Variants in STYXL1 observed in about 807,000 individuals in gnomAD.
STYXL1 encodes the protein serine/threonine/tyrosine-interacting-like protein 1.
Under a neutral mutation model 36.4 loss-of-function variants are expected in STYXL1, and 32 were observed. The ratio of observed to expected loss-of-function variants is 0.88; its 90% confidence interval spans 0.66 to 1.18. STYXL1 has a LOEUF of 1.18. Among genes scored for constraint, STYXL1 ranks in the 50% most tolerant of loss-of-function variants. STYXL1 has a pLI of 0.00. For missense variants in STYXL1, 354 were observed against 394.1 expected (o/e 0.90, Z 0.86); for synonymous variants, 133 against 144.1 (o/e 0.92, Z 0.55).
chr7:76,015,941 T>C (rs1183165492), intron 4 of STYXL1, among the ~76,000 whole-genome samples: 1 of 152,164 alleles, frequency 6.6e-6, no homozygotes, highest in South Asian at 2.1e-4. Context: ...TGCTGGATGC[T>C]TCCTGTCCTC....
chr7:76,039,035 C>T (rs1796224800), intron 1 of STYXL1, among the ~76,000 whole-genome samples: 1 of 147,820 alleles, frequency 6.8e-6, no homozygotes, highest in Admixed American at 6.6e-5. Flanking sequence ...ACAACCTCCG[C>T]CTCCCAGGTT....
intron 3 of STYXL1, among the ~76,000 whole-genome samples, chr7:76,024,596 G>A (rs924557915): frequency 1.3e-5 from 2 of 151,912 alleles, no homozygotes; most frequent in Non-Finnish European, 2.9e-5. Flanking sequence ...CAGCCTAAGC[G>A]AGAGAGTGAG....
At chr7:76,009,525 C>T (rs1792284830) in intron 5 of STYXL1, among the ~76,000 whole-genome samples, 1 of 152,188 alleles carries the variant, frequency 6.6e-6, no homozygotes, top group African/African-American at 2.4e-5. Context: ...ATTTTCCTGC[C>T]TCAGCCTCCT....
At chr7:76,005,440 A>C in intron 5 of STYXL1, 36 bp from the exon 6 acceptor site, 1 of 1,562,962 alleles carries the variant, frequency 6.4e-7, no homozygotes, top group Non-Finnish European at 8.7e-7. Flanking sequence ...CTATGAGCAT[A>C]TTCCTCAGGG....
intron 2 of STYXL1, among the ~76,000 whole-genome samples, chr7:76,029,036 C>T (rs1795044892): frequency 6.6e-6 from 1 of 151,830 alleles, no homozygotes; most frequent in African/African-American, 2.4e-5. Context: ...AGGAGAATCA[C>T]TTAAATCTGG....
chr7:76,040,639 C>T (rs1796388743), intron 1 of STYXL1, among the ~76,000 whole-genome samples: 1 of 152,082 alleles, frequency 6.6e-6, no homozygotes, highest in Non-Finnish European at 1.5e-5. Flanking sequence ...GAGTTCAAGA[C>T]CAGCCTGACC....
chr7:76,031,472 T>C (rs1795331337), intron 1 of STYXL1, among the ~76,000 whole-genome samples: 1 of 151,888 alleles, frequency 6.6e-6, no homozygotes, highest in African/African-American at 2.4e-5. Flanking sequence ...CCCAACACTT[T>C]GGGAGGCCGA....
chr7:76,003,673 A>G, intron 7 of STYXL1, 85 bp downstream of exon 7: 1 of 1,246,652 alleles, frequency 8.0e-7, no homozygotes. Context: ...ATCACGGTCC[A>G]GAATAAGCCT....
intron 4 of STYXL1, among the ~76,000 whole-genome samples, chr7:76,019,782 C>A (rs984367301): frequency 2.0e-5 from 3 of 151,922 alleles, no homozygotes; most frequent in African/African-American, 7.3e-5. Context: ...AAGCTCACCC[C>A]ACAGGGCCTG....
chr7:76,040,830 AAAAG>A (rs1266449752), intron 1 of STYXL1, among the ~76,000 whole-genome samples: 10 of 151,404 alleles, frequency 6.6e-5, no homozygotes, highest in African/African-American at 2.2e-4. Context: ...AGCTAAAAAA[AAAAG>A]AAAAAAGAAA....
chr7:76,031,021 C>T (rs1297567629), intron 1 of STYXL1, among the ~76,000 whole-genome samples: 1 of 151,652 alleles, frequency 6.6e-6, no homozygotes, highest in African/African-American at 2.4e-5. Flanking sequence ...ATTAGTCAGG[C>T]ATGGTGGTGC....
At chr7:76,010,537 G>A (rs1554571928) in intron 5 of STYXL1, among the ~76,000 whole-genome samples, 2 of 152,114 alleles carry the variant, frequency 1.3e-5, no homozygotes, top group African/African-American at 4.8e-5. Context: ...CGTTCTCTGG[G>A]AGATCCTCAG....
chr7:76,017,719 G>A (rs1024978473), intron 4 of STYXL1, among the ~76,000 whole-genome samples: 5 of 140,544 alleles, frequency 3.6e-5, no homozygotes, highest in Non-Finnish European at 8.2e-5. Flanking sequence ...AACCCTGTCT[G>A]TACTGAAAAT....
intron 3 of STYXL1, among the ~76,000 whole-genome samples, chr7:76,027,680 T>C (rs963989406): frequency 1.3e-5 from 2 of 151,160 alleles, no homozygotes; most frequent in African/African-American, 4.9e-5. Flanking sequence ...AAACAACACA[T>C]AAAAACAGAA....
intron 7 of STYXL1, among the ~76,000 whole-genome samples, chr7:76,002,700 G>A (rs1791111226): frequency 6.6e-6 from 1 of 152,124 alleles, no homozygotes; most frequent in African/African-American, 2.4e-5. Flanking sequence ...GAGGTGGGTG[G>A]ATTGCTTGAG....
chr7:76,024,575 C>T (rs190464172), intron 3 of STYXL1, among the ~76,000 whole-genome samples: 1 of 152,128 alleles, frequency 6.6e-6, no homozygotes, highest in African/African-American at 2.4e-5. Context: ...TGTGATGGTG[C>T]CATTGCACTC....
chr7:75,996,571 T>C lies in STYXL1; in HGVS notation c.839A>G (p.Lys280Arg), dbSNP rs1402757553. Residue 280 changes from lysine (K) to arginine (R), a missense_variant, in exon 9 of 9, where the codon AAA becomes AGA. Physicochemically the swap from Lys to Arg is conservative, Grantham distance 26 (BLOSUM62 2). Transcript: ENST00000359697. ...TCCCCGATTTGGACACATGTTGTTT[T>C]TGCACTTCTTGACATAGGCCCAGGA... ...QRSWAYVKKCKNNMCPNRGLV... is the reference protein window; with the variant it reads ...QRSWAYVKKCRNNMCPNRGLV... 1.2e-6 allele frequency: 2 copies of C among 1,614,122 alleles called. No individual in the cohort carries two copies. The highest frequency in any genetic ancestry group is 2.7e-5 in the African/African-American group (2 of 74,938).
intron 1 of STYXL1, among the ~76,000 whole-genome samples, chr7:76,043,173 GCT>G (rs1796637604): frequency 6.6e-6 from 1 of 152,040 alleles, no homozygotes; most frequent in Admixed American, 6.6e-5. Flanking sequence ...ATGGAGTCAC[GCT>G]CTGTTGCCCA....
chr7:76,003,885 G>A, intron 6 of STYXL1, 30 bp from the exon 7 acceptor site: 2 of 1,607,720 alleles, frequency 1.2e-6, no homozygotes, highest in African/African-American at 1.3e-5. Context: ...AGGTCATCAG[G>A]TGGAATGCAG....
Sources: allele counts gnomAD v4.1 joint callset (sites outside exome capture counted in the v4.1 genomes callset), GRCh38; gene constraint gnomAD v4.1.1; transcripts MANE v1.5; gene names NCBI Gene and HGNC (gene_info 2026-07-23, HGNC 2026-07-21).